The following WDR7 variants were observed in gnomAD, a reference collection of about 807,000 sequenced individuals.
WDR7 encodes WD repeat-containing protein 7.
In WDR7, 46 loss-of-function variants were observed where a neutral mutation model predicts 169.4. The ratio of observed to expected loss-of-function variants is 0.27; its 90% CI spans 0.21 to 0.35. WDR7 has a LOEUF of 0.35. Ranked by LOEUF, WDR7 falls within the 10% of genes least tolerant of loss-of-function variation. The pLI is 1.00. For synonymous variants in WDR7, 612 were observed against 666.8 expected, an observed-to-expected ratio of 0.92 and a Z score of 1.27; for missense variants, 1,534 against 1,859.3, an observed-to-expected ratio of 0.83 and a Z score of 3.22.
intron 20 of WDR7, among the ~76,000 whole-genome samples, chr18:56,856,104 A>G (rs1259199702): frequency 6.6e-6 from 1 of 152,192 alleles, no homozygotes; most frequent in Non-Finnish European, 1.5e-5. Flanking sequence ...AGAGGTGAAT[A>G]AGACCAAAAT....
At chr18:56,880,271 T>C (rs2046087154) in intron 21 of WDR7, 106 bp downstream of exon 21, 1 of 1,109,326 alleles carries the variant, frequency 9.0e-7, no homozygotes, top group East Asian at 2.6e-5. Flanking sequence ...CTCATTTAGA[T>C]TGCTTGCGTG....
intron 12 of WDR7, among the ~76,000 whole-genome samples, chr18:56,703,906 G>A (rs1271363150): frequency 1.3e-5 from 2 of 151,874 alleles, no homozygotes; most frequent in South Asian, 2.1e-4. Context: ...CTTATACTTG[G>A]AGTTGCTATA....
intron 25 of WDR7, among the ~76,000 whole-genome samples, chr18:56,960,637 G>A (rs2047325676): frequency 6.6e-6 from 1 of 152,116 alleles, no homozygotes; most frequent in Admixed American, 6.6e-5. Flanking sequence ...TGGACACAGT[G>A]ATGCCCAATA....
intron 20 of WDR7, among the ~76,000 whole-genome samples, chr18:56,830,492 A>G (rs768268612): frequency 7.2e-5 from 11 of 152,192 alleles, no homozygotes; most frequent in Non-Finnish European, 1.2e-4. Context: ...ATAGGAAAAG[A>G]TCTGTTAAGA....
At position 56,880,127 on chromosome 18, in the gene WDR7, C is replaced by G; in HGVS notation, c.3488C>G (p.Thr1163Ser). Residue 1163 changes from threonine (T) to serine (S), a missense_variant, in exon 21 of 28, where the codon ACT (threonine) becomes AGT (serine). Coordinates refer to ENST00000254442, the MANE Select transcript of WDR7 (RefSeq NM_015285.3). ...SSQIPEGFGL[T>S]SGGSNYSLAR... The stretch of plus-strand genomic sequence containing the variant: ...CAAATTCCTGAGGGATTCGGGTTGA[C>G]TAGTGGTGGATCCAACTACTCGCTG... 6.2e-7 allele frequency: 1 copy of G among 1,614,058 alleles called. No homozygotes were observed. Among genetic ancestry groups the G allele is most frequent in the Non-Finnish European group, 8.5e-7 (1 of 1,179,968 alleles).
At chr18:56,932,374 C>T (rs2046897825) in intron 22 of WDR7, among the ~76,000 whole-genome samples, 2 of 152,172 alleles carry the variant, frequency 1.3e-5, no homozygotes, top group African/African-American at 2.4e-5. Flanking sequence ...CCCCCTTACC[C>T]TATAGCTTCT....
intron 26 of WDR7, among the ~76,000 whole-genome samples, chr18:56,972,297 A>G (rs760931365): frequency 9.9e-5 from 15 of 152,226 alleles, no homozygotes; most frequent in Non-Finnish European, 1.3e-4. Context: ...ACTTCTAGTT[A>G]GGAGGAGCAG....
chr18:56,903,082 G>A (rs1353624582), intron 21 of WDR7, among the ~76,000 whole-genome samples: 1 of 152,140 alleles, frequency 6.6e-6, no homozygotes, highest in Non-Finnish European at 1.5e-5. Context: ...GCAGCATTGT[G>A]TATTAATGCC....
intron 20 of WDR7, among the ~76,000 whole-genome samples, chr18:56,865,393 A>G (rs1165952469): frequency 2.0e-5 from 3 of 152,156 alleles, no homozygotes; most frequent in Admixed American, 2.0e-4. Context: ...GAATAGCACT[A>G]GTATGCAGTA....
chr18:56,966,305 T>C (rs2047408398), intron 26 of WDR7, among the ~76,000 whole-genome samples: 1 of 151,994 alleles, frequency 6.6e-6, no homozygotes, highest in Non-Finnish European at 1.5e-5. Flanking sequence ...TCCTGCCCCC[T>C]CTTACACCTC....
At chr18:56,786,638 A>G (rs904484488) in intron 19 of WDR7, among the ~76,000 whole-genome samples, 10 of 152,100 alleles carry the variant, frequency 6.6e-5, no homozygotes, top group African/African-American at 2.4e-4. Context: ...GTCAGGAAAT[A>G]CTATTTTATC....
Position 56,694,659 on chromosome 18 carries a change from G to A in WDR7, c.1007G>A (p.Cys336Tyr), listed in dbSNP as rs1568141565. Residue 336 changes from cysteine to tyrosine, a missense_variant, in exon 10 of 28, where the codon TGC becomes TAC. Transcript: ENST00000254442. The part of the protein sequence containing the change: ...CPPVTRFFYG[C>Y]REYFHKLLIQ... ...CCTGTTACTCGGTTCTTCTATGGAT[G>A]CAGAGAATATTTCCATAAACTGTTA... 2.5e-6 allele frequency: 4 copies of A among 1,612,776 alleles called. No individual in the cohort carries two copies. The highest frequency in any genetic ancestry group is 3.4e-6 in the Non-Finnish European group (4 of 1,179,226).
chr18:56,982,404 A>G (rs2047659630), intron 26 of WDR7, among the ~76,000 whole-genome samples: 1 of 152,184 alleles, frequency 6.6e-6, no homozygotes, highest in South Asian at 2.1e-4. Flanking sequence ...GACTCCCACA[A>G]TTGTTAGAGG....
intron 22 of WDR7, among the ~76,000 whole-genome samples, chr18:56,924,730 A>T (rs1245888803): frequency 6.6e-6 from 1 of 151,978 alleles, no homozygotes; most frequent in Non-Finnish European, 1.5e-5. Flanking sequence ...TGGTTTGAAA[A>T]CTCAATCTCC....
chr18:56,951,939 T>G (rs2047190315), intron 25 of WDR7, among the ~76,000 whole-genome samples: 1 of 152,226 alleles, frequency 6.6e-6, no homozygotes. Flanking sequence ...TTAAAATTAT[T>G]TATTTTGTTT....
Position 56,821,655 on chromosome 18 carries a change from T to TC in WDR7, c.3304+5511_3304+5512insC, listed in dbSNP as rs1425720550. Among the ~76,000 whole-genome samples the TC allele has an allele frequency of 2.0e-5, 3 of 151,660 alleles. No homozygotes were observed. In the East Asian group the frequency reaches 5.8e-4, roughly 29 times the overall value. On this transcript the variant is annotated intron_variant, in intron 20 of 27. Transcript: ENST00000254442. ...TTCCCCCTGCATACCCCTCCTTTTT[T>TC]TTTTTTTGACATGTGGTCTCTGTTG... is the stretch of plus-strand genomic sequence containing the variant.
chr18:56,913,231 C>T (rs1027931758), intron 21 of WDR7, among the ~76,000 whole-genome samples: 1 of 152,068 alleles, frequency 6.6e-6, no homozygotes, highest in Non-Finnish European at 1.5e-5. Flanking sequence ...TATCCAGTGA[C>T]TTAGCTGACA....
Position 57,026,992 on chromosome 18 carries a change from C to T in WDR7, c.4270-12C>T, listed in dbSNP as rs1252045020. 6 of 1,612,004 alleles carry T rather than the reference C, an allele frequency of 3.7e-6. No individual in the cohort carries two copies. The highest frequency in any genetic ancestry group is 2.7e-5 in the African/African-American group (2 of 74,910). On this transcript the variant is annotated splice_polypyrimidine_tract_variant and intron_variant, in intron 27 of 27. Coordinates refer to ENST00000254442, the MANE Select transcript of WDR7 (RefSeq NM_015285.3). ...CTGTTCAAGTGACACATGTGCTCTC[C>T]TGTCCCTCCAGATGAACACGTCACT...
At chr18:56,913,859 A>T (rs1245731839) in intron 21 of WDR7, among the ~76,000 whole-genome samples, 1 of 152,068 alleles carries the variant, frequency 6.6e-6, no homozygotes, top group East Asian at 1.9e-4. Context: ...TTATAGTCCA[A>T]CCCCAGCATT....
Sources: gnomAD v4.1 joint callset for allele counts (sites outside exome capture counted in the v4.1 genomes callset) on GRCh38, gnomAD v4.1.1 for gene constraint, MANE v1.5 for transcripts, NCBI Gene and HGNC (gene_info 2026-07-23, HGNC 2026-07-21) for gene names.